PDE3A: variants seen among roughly 807,000 people sequenced by gnomAD.
PDE3A encodes phosphodiesterase 3A.
In PDE3A, 43 loss-of-function variants were observed where a neutral mutation model predicts 98.3. The ratio of observed to expected loss-of-function variants is 0.44; its 90% CI spans 0.34 to 0.56. The LOEUF (loss-of-function observed/expected upper bound fraction) is 0.56. Among genes scored for constraint, PDE3A ranks in the 20% least tolerant of loss-of-function variants. The pLI is 0.01. For synonymous variants in PDE3A, 663 were observed against 567.9 expected (o/e 1.17, Z -2.38); for missense variants, 1,427 against 1,440.7 (o/e 0.99, Z 0.15).
chr12:20,415,236 A>G (rs2120727403), intron 1 of PDE3A, among the ~76,000 whole-genome samples: 1 of 151,764 alleles, frequency 6.6e-6, no homozygotes, highest in African/African-American at 2.4e-5. Flanking sequence ...ATCGATCCTG[A>G]GTTTGACAGA....
chr12:20,644,957 C>T (rs1944741490), intron 10 of PDE3A, among the ~76,000 whole-genome samples: 1 of 149,222 alleles, frequency 6.7e-6, no homozygotes, highest in African/African-American at 2.5e-5. Flanking sequence ...GGCGCAGTCT[C>T]AGCTCACTGC....
chr12:20,538,948 A>T (rs1305510097), intron 1 of PDE3A, among the ~76,000 whole-genome samples: 2 of 147,086 alleles, frequency 1.4e-5, no homozygotes, highest in Admixed American at 6.8e-5. Flanking sequence ...ACCTAGCCTT[A>T]TTTTTTTTTT....
chr12:20,572,816 T>G (rs1426173801), intron 2 of PDE3A, among the ~76,000 whole-genome samples: 1 of 152,134 alleles, frequency 6.6e-6, no homozygotes, highest in Non-Finnish European at 1.5e-5. Flanking sequence ...GCCACGGTCC[T>G]TCCAATTCTG....
intron 1 of PDE3A, among the ~76,000 whole-genome samples, chr12:20,405,210 T>C (rs529372575): frequency 6.6e-6 from 1 of 152,232 alleles, no homozygotes; most frequent in Non-Finnish European, 1.5e-5. Flanking sequence ...GCTGTGTGGA[T>C]TTTGTCCATT....
intron 15 of PDE3A, among the ~76,000 whole-genome samples, chr12:20,657,621 G>T (rs1386436040): frequency 6.6e-6 from 1 of 152,096 alleles, no homozygotes; most frequent in Non-Finnish European, 1.5e-5. Flanking sequence ...GCAATGAAAG[G>T]CTCTTTGTTC....
chr12:20,626,749 C>T (rs1385096191), intron 5 of PDE3A, among the ~76,000 whole-genome samples: 2 of 152,118 alleles, frequency 1.3e-5, no homozygotes, highest in Non-Finnish European at 2.9e-5. Flanking sequence ...CTGCCCTCCT[C>T]GGCCTCCCAA....
chr12:20,424,801 T>C (rs528756925), intron 1 of PDE3A, among the ~76,000 whole-genome samples: 37 of 152,262 alleles, frequency 2.4e-4, no homozygotes, highest in South Asian at 1.2e-3. Context: ...ATATCAACAG[T>C]AGAACAACCA....
rs528972871 is a variant in PDE3A, at chr12:20,595,998, C to A, written c.1012-17445C>A. 8.5e-5 allele frequency among the ~76,000 whole-genome samples: 13 copies of A among 152,140 alleles called. No homozygotes were observed. In the East Asian group the frequency reaches 2.3e-3, roughly 27 times the overall value. ...GAAAAAAACATATTTTTAATCAGTG[C>A]TTGTATTAATCTTATGATTATAATT... On this transcript the variant is annotated intron_variant, in intron 2 of 15. Transcript: ENST00000359062.
chr12:20,415,123 A>T (rs1269694472), intron 1 of PDE3A, among the ~76,000 whole-genome samples: 2 of 149,798 alleles, frequency 1.3e-5, no homozygotes, highest in Non-Finnish European at 3.0e-5. Flanking sequence ...CTCCCTTTCT[A>T]TTTTTTTCCT....
chr12:20,515,977 C>G (rs1237101733), intron 1 of PDE3A, among the ~76,000 whole-genome samples: 3 of 151,016 alleles, frequency 2.0e-5, no homozygotes, highest in Non-Finnish European at 4.4e-5. Flanking sequence ...CGTGATCCGC[C>G]CGCCTCGGCC....
At chr12:20,381,771 G>A (rs1943667887) in intron 1 of PDE3A, among the ~76,000 whole-genome samples, 1 of 151,862 alleles carries the variant, frequency 6.6e-6, no homozygotes, top group Non-Finnish European at 1.5e-5. Flanking sequence ...ATGTCGGCAA[G>A]TAAGTTTGTT....
chr12:20,380,309 G>A (rs1488980634), intron 1 of PDE3A, among the ~76,000 whole-genome samples: 1 of 151,846 alleles, frequency 6.6e-6, no homozygotes, highest in Non-Finnish European at 1.5e-5. Context: ...CAACTGCCGT[G>A]CTAGTTCCAT....
At chr12:20,515,095 A>C (rs1946292986) in intron 1 of PDE3A, among the ~76,000 whole-genome samples, 2 of 152,226 alleles carry the variant, frequency 1.3e-5, no homozygotes, top group East Asian at 3.9e-4. Context: ...CCATGAGGGT[A>C]GAGCCCTCAG....
intron 1 of PDE3A, among the ~76,000 whole-genome samples, chr12:20,469,670 C>T (rs879302733): frequency 2.6e-5 from 4 of 152,120 alleles, no homozygotes; most frequent in African/African-American, 4.8e-5. Flanking sequence ...ACATGGGTGC[C>T]TTTATATGTT....
At chr12:20,417,237 T>C (rs1944435705) in intron 1 of PDE3A, among the ~76,000 whole-genome samples, 1 of 152,152 alleles carries the variant, frequency 6.6e-6, no homozygotes, top group African/African-American at 2.4e-5. Context: ...GTTTACTTTT[T>C]CAAAAAATAC....
intron 15 of PDE3A, among the ~76,000 whole-genome samples, chr12:20,663,618 G>T (rs1411087088): frequency 6.6e-6 from 1 of 152,186 alleles, no homozygotes; most frequent in African/African-American, 2.4e-5. Context: ...CATGGGACGT[G>T]TAGCCCCTTT....
chr12:20,570,051 G>A (rs1942759049), intron 2 of PDE3A, among the ~76,000 whole-genome samples: 1 of 152,144 alleles, frequency 6.6e-6, no homozygotes, highest in African/African-American at 2.4e-5. Flanking sequence ...TGTCCCAGAT[G>A]AGGTGGAAGT....
At chr12:20,650,224 TATA>T (rs1195009053) in intron 13 of PDE3A, among the ~76,000 whole-genome samples, 1 of 147,504 alleles carries the variant, frequency 6.8e-6, no homozygotes, top group Non-Finnish European at 1.5e-5. Flanking sequence ...CACCCATTAT[TATA>T]ATTTTATCCA....
intron 2 of PDE3A, among the ~76,000 whole-genome samples, chr12:20,610,650 T>C (rs577882271): frequency 6.6e-6 from 1 of 152,082 alleles, no homozygotes; most frequent in South Asian, 2.1e-4. Context: ...GAAGAAAACA[T>C]GGTATGTATA....
Sources: gnomAD v4.1 joint callset for allele counts (sites outside exome capture counted in the v4.1 genomes callset) on GRCh38, gnomAD v4.1.1 for gene constraint, MANE v1.5 for transcripts, NCBI Gene and HGNC (gene_info 2026-07-23, HGNC 2026-07-21) for gene names.